The following EML2 variants were observed in gnomAD, a reference collection of about 807,000 sequenced individuals.
EML2 encodes EMAP like 2, also known as echinoderm microtubule-associated protein-like 2.
Under a neutral mutation model 84.7 loss-of-function variants are expected in EML2, and 59 were observed. The observed-to-expected ratio is 0.70, with a 90% CI of 0.56 to 0.86. The LOEUF (loss-of-function observed/expected upper bound fraction) is 0.86. EML2 is among the 40% of genes least tolerant of loss of function. The pLI, the probability that EML2 is intolerant of heterozygous loss-of-function variation, is 0.00. For synonymous variants in EML2, 352 were observed against 348.9 expected (o/e 1.01, Z -0.10); for missense variants, 818 against 855.6 (o/e 0.96, Z 0.55).
intron 3 of EML2, among the ~76,000 whole-genome samples, chr19:45,637,470 A>ATTTTTTTTTTTT (rs66503218): frequency 9.8e-6 from 1 of 101,660 alleles, no homozygotes; most frequent in Admixed American, 1.2e-4. Flanking sequence ...ATTATTTTGG[A>ATTTTTTTTTTTT]TTTTTTTTTT....
At position 45,638,865 on chromosome 19, in the gene EML2, T is replaced by C. The variant is rs1303816139; in HGVS notation, c.29A>G (p.Lys10Arg). The stretch of plus-strand genomic sequence containing the variant: ...CTCACCCACACTGAAGATAACTTCT[T>C]TGGTTTTGCTGTCAGGAAAGGACAA... MSSFGAGKT[K>R]EVIFSVEDGS... Residue 10 changes from lysine to arginine, a missense_variant, in exon 2 of 19, where the codon AAA (lysine) becomes AGA (arginine). Lys to Arg is a conservative substitution (Grantham distance 26, BLOSUM62 2). Coordinates refer to ENST00000245925, the MANE Select transcript of EML2 (RefSeq NM_012155.4). 3 of 1,613,334 alleles carry C rather than the reference T, an allele frequency of 1.9e-6. No individual in the cohort carries two copies. Among genetic ancestry groups the C allele is most frequent in the South Asian group, 1.1e-5 (1 of 91,046 alleles).
chr19:45,625,273 G>A (rs941714368), intron 8 of EML2, among the ~76,000 whole-genome samples: 9 of 151,050 alleles, frequency 6.0e-5, no homozygotes, highest in Non-Finnish European at 1.3e-4. Context: ...ACGGAGTCTC[G>A]CTCTGTCACC....
chr19:45,625,323 C>T (rs1972181278), intron 8 of EML2, among the ~76,000 whole-genome samples: 1 of 152,242 alleles, frequency 6.6e-6, no homozygotes, highest in African/African-American at 2.4e-5. Context: ...TCACTGCAAC[C>T]TCCACCTCCC....
rs1025131948 is a variant in EML2, at chr19:45,621,521, G to A, written c.958C>T (p.Leu320Phe). Residue 320 changes from leucine (L) to phenylalanine (F), a missense_variant, in exon 10 of 19, where the codon CTC becomes TTC. By Grantham distance (22) the Leu-to-Phe change is conservative (BLOSUM62 0). Transcript: ENST00000245925. ...SGGGRDRRVV[L>F]WGSDYSKLQE... ...AGCTTGCTGTAGTCAGAACCCCAGA[G>A]GACCACCCGCCGATCACGGCCCCCT... is the stretch of plus-strand genomic sequence containing the variant. The A allele has an allele frequency of 6.2e-7, 1 of 1,612,124 alleles. No individual in the cohort carries two copies. Among genetic ancestry groups the A allele is most frequent in the Non-Finnish European group, 8.5e-7 (1 of 1,179,926 alleles).
intron 17 of EML2, 87 bp downstream of exon 17, chr19:45,614,518 G>A (rs1600076525): frequency 2.6e-6 from 3 of 1,133,492 alleles, no homozygotes; most frequent in South Asian, 1.3e-5. Context: ...CACACTGGAG[G>A]TAAGCAGTAA....
At position 45,609,544 on chromosome 19, in the gene EML2, C is replaced by G; in HGVS notation, c.*119G>C. The G allele has an allele frequency of 9.7e-7, 1 of 1,035,564 alleles. No homozygotes were observed. Among genetic ancestry groups the G allele is most frequent in the Non-Finnish European group, 1.3e-6 (1 of 778,568 alleles). The allele number at this position is 1,035,564 out of a possible 1,614,324, so 64.1% of individuals were successfully genotyped here. ...AGACTTCTGTATGTCAGTCTACCCT[C>G]CCGCCCCCATAACCCCCTCTGCTAT... On this transcript the variant is annotated 3_prime_UTR_variant, in exon 19 of 19. Transcript: ENST00000245925.
At position 45,611,486 on chromosome 19, in the gene EML2, T is replaced by C. The variant is rs1422151616; in HGVS notation, c.1825-1698A>G. On this transcript the variant is annotated intron_variant, in intron 18 of 18. Transcript: ENST00000245925. ...CTTGTGGATATGTAACAATTCTTCT[T>C]CTTCTTCTTCTTCTTTTGAGACAGA... Among the ~76,000 whole-genome samples the C allele has an allele frequency of 5.2e-5, 6 of 114,964 alleles. No individual in the cohort carries two copies. The East Asian group carries it at 1.5e-3, about 29-fold the overall frequency. 75.4% of individuals were successfully genotyped at this position (114,964 alleles called of 152,430 possible).
rs1371804764 is a variant in EML2, at chr19:45,638,857, T to G, written c.37A>C (p.Ile13Leu). 1.2e-6 allele frequency: 2 copies of G among 1,612,970 alleles called. No homozygotes were observed. The highest frequency in any genetic ancestry group is 1.7e-6 in the Non-Finnish European group (2 of 1,179,796). ...TCTCCCCACTCACCCACACTGAAGA[T>G]AACTTCTTTGGTTTTGCTGTCAGGA... ...SFGAGKTKEV[I>L]FSVEDGSVKM... Residue 13 changes from isoleucine (I) to leucine (L), a missense_variant, in exon 2 of 19, where the codon ATC becomes CTC. By Grantham distance (5) the Ile-to-Leu change is conservative. Coordinates refer to ENST00000245925, the MANE Select transcript of EML2 (RefSeq NM_012155.4).
chr19:45,630,594 G>T (rs964841273), intron 6 of EML2, among the ~76,000 whole-genome samples: 22 of 149,360 alleles, frequency 1.5e-4, no homozygotes, highest in Admixed American at 1.1e-3. Flanking sequence ...TGGCCATTTT[G>T]CAGGAAACAC....
Position 45,629,943 on chromosome 19 carries a change from C to T in EML2, c.606+8G>A, listed in dbSNP as rs1309131054. On this transcript the variant is annotated splice_region_variant and intron_variant, in intron 7 of 18. Transcript: ENST00000245925. ...CCCAGCAGGAGGGGATGAGAAAAGTCACCTCACCTTGACATCCACCACCTT... is the reference window on the plus strand; with the variant it reads ...CCCAGCAGGAGGGGATGAGAAAAGTTACCTCACCTTGACATCCACCACCTT... 3.1e-6 allele frequency: 5 copies of T among 1,611,478 alleles called. No homozygotes were observed. Among genetic ancestry groups the T allele is most frequent in the African/African-American group, 1.3e-5 (1 of 74,828 alleles).
rs1970264069 is a variant in EML2 at position 45,609,514 on chromosome 19, A to G, written c.*149T>C. 1.1e-6 allele frequency: 1 copy of G among 871,304 alleles called. No individual in the cohort carries two copies. Among genetic ancestry groups the G allele is most frequent in the Non-Finnish European group, 1.6e-6 (1 of 638,614 alleles). 54.0% of individuals were successfully genotyped at this position (871,304 alleles called of 1,614,324 possible). A position where few individuals can be genotyped will look rare whatever the true frequency, so the allele number is the denominator to read the frequency against. The stretch of plus-strand genomic sequence containing the variant: ...GTGACTCCCTCTTCCCACCCGGATA[A>G]ATAGAGACTTCTGTATGTCAGTCTA... On this transcript the variant is annotated 3_prime_UTR_variant, in exon 19 of 19. Coordinates refer to ENST00000245925, the MANE Select transcript of EML2 (RefSeq NM_012155.4).
chr19:45,609,944 A>G (rs1490944555), intron 18 of EML2, among the ~76,000 whole-genome samples, 156 bp from the exon 19 acceptor site: 2 of 151,288 alleles, frequency 1.3e-5, no homozygotes, highest in Non-Finnish European at 2.9e-5. Flanking sequence ...GCACAGCTTC[A>G]ATGCAGCCTT....
At chr19:45,626,581 G>T in intron 8 of EML2, 124 bp downstream of exon 8, 1 of 1,110,168 alleles carries the variant, frequency 9.0e-7, no homozygotes, top group South Asian at 1.6e-5. Context: ...GCCCCAGCAG[G>T]CAACATCTCA....
At chr19:45,639,436 C>T, upstream of EML2, 2 of 1,243,136 alleles carry the variant, frequency 1.6e-6, no homozygotes, top group East Asian at 3.2e-5. Flanking sequence ...CTGCCGCTTC[C>T]GGCCCTGGGA....
rs1973073462 is a variant in EML2, at chr19:45,631,861, A to T, written c.510+1000T>A. ...TCTGGGAGTACAGGCCCAGGCCCACACTAGTACACCCAGCTAATTAGAATT... is the reference window on the plus strand; with the variant it reads ...TCTGGGAGTACAGGCCCAGGCCCACTCTAGTACACCCAGCTAATTAGAATT... On this transcript the variant is annotated intron_variant, in intron 6 of 18. Coordinates refer to ENST00000245925, the MANE Select transcript of EML2 (RefSeq NM_012155.4). Among the ~76,000 whole-genome samples, 3 of 142,476 alleles carry T rather than the reference A, an allele frequency of 2.1e-5. No homozygotes were observed. In the South Asian group the frequency reaches 6.7e-4, roughly 32 times the overall value. 93.5% of individuals were successfully genotyped at this position (142,476 alleles called of 152,430 possible). A position where few individuals can be genotyped will look rare whatever the true frequency, so the allele number is the denominator to read the frequency against.
intron 14 of EML2, 37 bp from the exon 15 acceptor site, chr19:45,616,595 A>G (rs779022360): frequency 6.5e-5 from 100 of 1,537,144 alleles, no homozygotes; most frequent in Non-Finnish European, 8.8e-5. Flanking sequence ...GGAGGCACCC[A>G]GGCTCCATCC....
At position 45,621,720 on chromosome 19, in the gene EML2, A is replaced by G. The variant is rs1225745342; in HGVS notation, c.842-83T>C. On this transcript the variant is annotated intron_variant, in intron 9 of 18. Transcript: ENST00000245925. Reference sequence around the variant, plus strand: ...GAAAGCATCTTGAACTCTCAAGCCTATGTCCATCCATTCTCACCCACTTTT... The same window carrying G: ...GAAAGCATCTTGAACTCTCAAGCCTGTGTCCATCCATTCTCACCCACTTTT... 7.3e-6 allele frequency: 10 copies of G among 1,374,640 alleles called. No homozygotes were observed. The East Asian group carries it at 2.0e-4, about 27-fold the overall frequency. The allele number at this position is 1,374,640 out of a possible 1,614,324, so 85.2% of individuals were successfully genotyped here.
intron 3 of EML2, 148 bp downstream of exon 3, chr19:45,638,356 GT>G: frequency 8.8e-7 from 1 of 1,139,566 alleles, no homozygotes; most frequent in Non-Finnish European, 1.3e-6. Context: ...TGCTGTGCTT[GT>G]TTTGTGTGTT....
At chr19:45,625,931 TGCA>T (rs1972261352) in intron 8 of EML2, among the ~76,000 whole-genome samples, 1 of 152,166 alleles carries the variant, frequency 6.6e-6, no homozygotes, top group Non-Finnish European at 1.5e-5. Flanking sequence ...CAGGCTGGAG[TGCA>T]GTGGTACCAT....
Sources: allele counts gnomAD v4.1 joint callset (sites outside exome capture counted in the v4.1 genomes callset), GRCh38; gene constraint gnomAD v4.1.1; transcripts MANE v1.5; gene names NCBI Gene and HGNC (gene_info 2026-07-23, HGNC 2026-07-21).